ANO10: variants seen among roughly 807,000 people sequenced by gnomAD.
ANO10 encodes anoctamin-10.
In ANO10, 77 loss-of-function variants were observed where a neutral mutation model predicts 74.7. That is an observed-to-expected ratio of 1.03 (90% CI 0.86 to 1.25). ANO10 has a LOEUF of 1.25. Ranked by LOEUF, ANO10 falls within the 50% of genes most tolerant of loss-of-function variation. The pLI, the probability that ANO10 is intolerant of heterozygous loss-of-function variation, is 0.00. For missense variants in ANO10, 721 were observed against 778.1 expected (o/e 0.93, Z 0.87); for synonymous variants, 279 against 284.9 (o/e 0.98, Z 0.21).
rs2074986034 is a variant in ANO10 at position 43,453,643 on chromosome 3, GT to G, written c.1798-20917del. ...TTTTGAGTTATTTTTTGCATATAGT[GT>G]GGGGTAGGGATCCAATTTCATTTGT... On this transcript the variant is annotated intron_variant, in intron 11 of 12. Coordinates refer to ENST00000292246, the MANE Select transcript of ANO10 (RefSeq NM_018075.5). Among the ~76,000 whole-genome samples, 3 of 152,286 alleles carry G rather than the reference GT, an allele frequency of 2.0e-5. No homozygotes were observed. The South Asian group carries it at 6.2e-4, about 32-fold the overall frequency.
At chr3:43,630,780 T>G (rs2083537792) in intron 1 of ANO10, among the ~76,000 whole-genome samples, 1 of 152,254 alleles carries the variant, frequency 6.6e-6, no homozygotes, top group Non-Finnish European at 1.5e-5. Context: ...AACTCTATTT[T>G]GCACATTGTT....
chr3:43,556,182 A>C (rs1277357476), intron 9 of ANO10, among the ~76,000 whole-genome samples: 1 of 152,230 alleles, frequency 6.6e-6, no homozygotes, highest in Non-Finnish European at 1.5e-5. Flanking sequence ...AGGATGAATA[A>C]ATCAAGAGTT....
chr3:43,667,388 C>T (rs1260330768), intron 1 of ANO10, among the ~76,000 whole-genome samples: 1 of 152,026 alleles, frequency 6.6e-6, no homozygotes, highest in African/African-American at 2.4e-5. Context: ...TGCACCCAGC[C>T]CAATCCATGT....
chr3:43,659,544 A>G (rs1375473471), intron 1 of ANO10, among the ~76,000 whole-genome samples: 1 of 152,166 alleles, frequency 6.6e-6, no homozygotes, highest in Non-Finnish European at 1.5e-5. Flanking sequence ...AGGTGGTTCT[A>G]TGCTCACATT....
At chr3:43,531,866 C>T (rs1448238963) in intron 11 of ANO10, among the ~76,000 whole-genome samples, 4 of 151,320 alleles carry the variant, frequency 2.6e-5, no homozygotes, top group Non-Finnish European at 5.9e-5. Context: ...TCGGCCACTG[C>T]ACTCCAACCT....
At chr3:43,525,101 T>C (rs1024833293) in intron 11 of ANO10, among the ~76,000 whole-genome samples, 4 of 152,120 alleles carry the variant, frequency 2.6e-5, no homozygotes, top group African/African-American at 9.7e-5. Flanking sequence ...GCCATACTCT[T>C]ACCCCCCACC....
At chr3:43,564,518 T>C (rs1173770361) in intron 8 of ANO10, among the ~76,000 whole-genome samples, 1 of 152,210 alleles carries the variant, frequency 6.6e-6, no homozygotes, top group East Asian at 1.9e-4. Context: ...AAACTATAAT[T>C]ATCCTATATG....
chr3:43,366,897 G>C lies in ANO10; in HGVS notation c.*9C>G. 1 of 1,580,902 alleles carries C rather than the reference G, an allele frequency of 6.3e-7. No individual in the cohort carries two copies. Among genetic ancestry groups the C allele is most frequent in the Admixed American group, 1.8e-5 (1 of 54,890 alleles). On this transcript the variant is annotated 3_prime_UTR_variant, in exon 13 of 13. Coordinates refer to ENST00000292246, the MANE Select transcript of ANO10 (RefSeq NM_018075.5). ...CTCTGCCAACAGGGCAGCTGGGCAC[G>C]CTGGGCACTCAGGTTGCCTTCTCCT... is the stretch of plus-strand genomic sequence containing the variant.
chr3:43,417,008 C>G (rs558173580), intron 12 of ANO10, among the ~76,000 whole-genome samples: 2 of 152,278 alleles, frequency 1.3e-5, no homozygotes, highest in East Asian at 3.9e-4. Context: ...TAATTTAGAA[C>G]CCATGTGCCC....
At chr3:43,592,487 G>C (rs1351085019) in intron 4 of ANO10, among the ~76,000 whole-genome samples, 1 of 152,214 alleles carries the variant, frequency 6.6e-6, no homozygotes, top group Non-Finnish European at 1.5e-5. Flanking sequence ...AGGCAAACAG[G>C]GTCTGGAGTG....
At chr3:43,589,524 G>A (rs2081629626) in intron 4 of ANO10, among the ~76,000 whole-genome samples, 1 of 152,090 alleles carries the variant, frequency 6.6e-6, no homozygotes, top group Non-Finnish European at 1.5e-5. Flanking sequence ...TAAGACAGTA[G>A]AATTGCTTGA....
At chr3:43,540,047 A>C (rs988561294) in intron 11 of ANO10, among the ~76,000 whole-genome samples, 1 of 152,228 alleles carries the variant, frequency 6.6e-6, no homozygotes, top group African/African-American at 2.4e-5. Flanking sequence ...TTTTTCAACA[A>C]AACAAGTATT....
At chr3:43,517,665 T>C (rs1378893126) in intron 11 of ANO10, among the ~76,000 whole-genome samples, 1 of 152,202 alleles carries the variant, frequency 6.6e-6, no homozygotes, top group African/African-American at 2.4e-5. Context: ...ACCTACCCTG[T>C]TGGCACCTTG....
chr3:43,575,884 A>G (rs974916704), intron 6 of ANO10, among the ~76,000 whole-genome samples: 1 of 152,056 alleles, frequency 6.6e-6, no homozygotes, highest in Non-Finnish European at 1.5e-5. Flanking sequence ...TGATCTGCCC[A>G]CCTCAGCCTC....
At chr3:43,488,010 C>T (rs1264303683) in intron 11 of ANO10, among the ~76,000 whole-genome samples, 5 of 152,066 alleles carry the variant, frequency 3.3e-5, no homozygotes, top group East Asian at 1.9e-4. Context: ...TCACAAATAA[C>T]GCCGCGTATC....
intron 12 of ANO10, among the ~76,000 whole-genome samples, chr3:43,411,790 A>T (rs1458454471): frequency 6.6e-6 from 1 of 152,148 alleles, no homozygotes. Flanking sequence ...TGCATTTTGG[A>T]GCTACTGTTT....
chr3:43,481,778 A>G (rs1279131842), intron 11 of ANO10, among the ~76,000 whole-genome samples: 1 of 152,148 alleles, frequency 6.6e-6, no homozygotes, highest in East Asian at 1.9e-4. Context: ...CAGTCAGAAA[A>G]TCTTTTAATC....
At chr3:43,679,540 C>T (rs2084167314) in intron 1 of ANO10, among the ~76,000 whole-genome samples, 1 of 152,190 alleles carries the variant, frequency 6.6e-6, no homozygotes, top group African/African-American at 2.4e-5. Context: ...CAAAAGGCAG[C>T]AGAAAACTCT....
intron 1 of ANO10, among the ~76,000 whole-genome samples, chr3:43,679,763 A>G (rs2084170482): frequency 6.6e-6 from 1 of 152,196 alleles, no homozygotes; most frequent in Non-Finnish European, 1.5e-5. Flanking sequence ...ATGATCAGGC[A>G]GCAACATTTA....
Sources: allele counts gnomAD v4.1 joint callset (sites outside exome capture counted in the v4.1 genomes callset), GRCh38; gene constraint gnomAD v4.1.1; transcripts MANE v1.5; gene names NCBI Gene and HGNC (gene_info 2026-07-23, HGNC 2026-07-21).